Variants in TMEM269 observed in about 807,000 individuals in gnomAD.
TMEM269 encodes the protein transmembrane protein 269.
Under a neutral mutation model 15.8 loss-of-function variants are expected in TMEM269, and 12 were observed. The observed-to-expected ratio is 0.76, with a 90% CI of 0.49 to 1.23. The LOEUF (loss-of-function observed/expected upper bound fraction) is 1.23. TMEM269 is among the 50% of genes most tolerant of loss of function. The pLI is 0.00. For synonymous variants in TMEM269, 93 were observed against 99.3 expected (o/e 0.94, Z 0.38); for missense variants, 211 against 245.4 (o/e 0.86, Z 0.94).
At chr1:42,798,050 G>A (rs567445007) in intron 5 of TMEM269, 48 bp from the exon 6 acceptor site, 2 of 1,548,690 alleles carry the variant, frequency 1.3e-6, no homozygotes, top group African/African-American at 1.4e-5. Flanking sequence ...AGAAAGCATA[G>A]AAGACAGCTT....
intron 3 of TMEM269, 120 bp from the exon 4 acceptor site, chr1:42,793,481 C>A: frequency 1.0e-6 from 1 of 969,002 alleles, no homozygotes; most frequent in Non-Finnish European, 1.5e-6. Context: ...AGGGGAGCAG[C>A]TGTTGCTTTC....
intron 5 of TMEM269, among the ~76,000 whole-genome samples, chr1:42,795,935 T>G (rs1653784805): frequency 6.6e-6 from 1 of 152,204 alleles, no homozygotes; most frequent in African/African-American, 2.4e-5. Flanking sequence ...TGGCTCCTCC[T>G]ATGCCTTAGG....
Position 42,798,398 on chromosome 1 carries a change from C to A in TMEM269, c.*173C>A. Reference sequence around the variant, plus strand: ...AAAGCAGGGTCAGTGAACTTCACTTCTTTGTCTTTATTCAGGGTTCTGACT... The same window carrying A: ...AAAGCAGGGTCAGTGAACTTCACTTATTTGTCTTTATTCAGGGTTCTGACT... On this transcript the variant is annotated 3_prime_UTR_variant, in exon 6 of 6. Coordinates refer to ENST00000637012, the MANE Select transcript of TMEM269 (RefSeq NM_001354602.2). 2.6e-6 allele frequency: 2 copies of A among 775,352 alleles called. No individual in the cohort carries two copies. The highest frequency in any genetic ancestry group is 2.7e-5 in the East Asian group (1 of 36,856). The allele number at this position is 775,352 out of a possible 1,614,324, so 48.0% of individuals were successfully genotyped here.
chr1:42,792,321 A>G (rs1027613445), intron 2 of TMEM269, among the ~76,000 whole-genome samples: 28 of 152,230 alleles, frequency 1.8e-4, no homozygotes, highest in African/African-American at 6.0e-4. Context: ...AACTCACACA[A>G]GGAGAAACAG....
At position 42,792,859 on chromosome 1, in the gene TMEM269, A is replaced by G. The variant is rs1653722204; in HGVS notation, c.96A>G (p.Ala32=). The G allele has an allele frequency of 1.3e-6, 2 of 1,550,414 alleles. No individual in the cohort carries two copies. The highest frequency in any genetic ancestry group is 2.7e-5 in the African/African-American group (2 of 73,030). The change falls in exon 3 of 6, where the codon GCA becomes GCG. Residue 32 remains alanine (A), a synonymous_variant. Coordinates refer to ENST00000637012, the MANE Select transcript of TMEM269 (RefSeq NM_001354602.2). ...MLLVSFLLDM[A]VRAMTSHINI... ...TGGTCAGCTTCCTGTTAGACATGGC[A>G]GTCAGGGCAATGACCAGCCACATCA...
rs1287278208 is a variant in TMEM269 at position 42,798,734 on chromosome 1, T to C, written c.*509T>C. 1 of 71,578 alleles carries C rather than the reference T, an allele frequency of 1.4e-5. No homozygotes were observed. Among genetic ancestry groups the C allele is most frequent in the Non-Finnish European group, 2.7e-5 (1 of 37,126 alleles). The allele number at this position is 71,578 out of a possible 1,614,324, so 4.4% of individuals were successfully genotyped here. ...ATTTTGTAACTTCAACATTCTGGGT[T>C]TTTTTTTTTTTTTTTTTTTTTTTTT... On this transcript the variant is annotated 3_prime_UTR_variant, in exon 6 of 6. Coordinates refer to ENST00000637012, the MANE Select transcript of TMEM269 (RefSeq NM_001354602.2).
intron 2 of TMEM269, among the ~76,000 whole-genome samples, chr1:42,790,221 G>A (rs1286066923): frequency 1.3e-5 from 2 of 152,152 alleles, no homozygotes; most frequent in East Asian, 3.8e-4. Context: ...CTAATTCTTA[G>A]ATCATATGAC....
intron 5 of TMEM269, among the ~76,000 whole-genome samples, 175 bp downstream of exon 5, chr1:42,794,788 A>G (rs981775633): frequency 2.0e-5 from 3 of 152,182 alleles, no homozygotes; most frequent in South Asian, 4.1e-4. Flanking sequence ...ACCTACCCCC[A>G]ATAGAGGACT....
intron 4 of TMEM269, among the ~76,000 whole-genome samples, chr1:42,794,036 G>A (rs952690259): frequency 6.6e-6 from 1 of 152,192 alleles, no homozygotes; most frequent in African/African-American, 2.4e-5. Flanking sequence ...ACTGGAGGTT[G>A]TATTCCAGTT....
At position 42,797,422 on chromosome 1, in the gene TMEM269, A is replaced by G. The variant is rs1653807394; in HGVS notation, c.485-676A>G. Among the ~76,000 whole-genome samples, 1 of 152,144 alleles carries G rather than the reference A, an allele frequency of 6.6e-6. No homozygotes were observed. The highest frequency in any genetic ancestry group is 2.1e-4 in the South Asian group (1 of 4,826). On this transcript the variant is annotated intron_variant, in intron 5 of 5. Coordinates refer to ENST00000637012, the MANE Select transcript of TMEM269 (RefSeq NM_001354602.2). The surrounding 1 kb of genome is among the most constrained non-coding windows in gnomAD (Gnocchi z 4.9). ...ACAATAAAGTGTTGGCTACCAGGGAAACTGATGAGAGACTCAGTGCCCAAG... is the reference window on the plus strand; with the variant it reads ...ACAATAAAGTGTTGGCTACCAGGGAGACTGATGAGAGACTCAGTGCCCAAG...
chr1:42,789,164 C>A, intron 1 of TMEM269: 1 of 464,758 alleles, frequency 2.2e-6, no homozygotes, highest in African/African-American at 1.9e-5. Flanking sequence ...CTCAGATGAT[C>A]CACTTGCCTC....
Position 42,794,518 on chromosome 1 carries a change from C to T in TMEM269, c.389C>T (p.Ala130Val). Reference protein sequence around the residue: ...KGNRFILCCMASLMILFMMDQ... With the variant: ...KGNRFILCCMVSLMILFMMDQ... ...AACAGGTTCATCCTCTGCTGCATGG[C>T]CTCACTCATGATTCTCTTCATGATG... The change falls in exon 5 of 6, where the codon GCC becomes GTC. Residue 130 changes from alanine (A) to valine (V), a missense_variant. By Grantham distance (64) the Ala-to-Val change is moderately conservative. Coordinates refer to ENST00000637012, the MANE Select transcript of TMEM269 (RefSeq NM_001354602.2). 1 of 1,550,722 alleles carries T rather than the reference C, an allele frequency of 6.4e-7. No individual in the cohort carries two copies.
chr1:42,789,252 T>C (rs1653604273), intron 1 of TMEM269: 3 of 593,866 alleles, frequency 5.1e-6, no homozygotes, highest in Non-Finnish European at 9.1e-6. Context: ...GCCGTCTCTT[T>C]CCTTGTGGGA....
At position 42,799,117 on chromosome 1, in the gene TMEM269, G is replaced by A. The variant is rs1453755663; in HGVS notation, c.*892G>A. 6.6e-6 allele frequency: 1 copy of A among 151,922 alleles called. No homozygotes were observed. Among genetic ancestry groups the A allele is most frequent in the Non-Finnish European group, 1.5e-5 (1 of 67,968 alleles). The allele number at this position is 151,922 out of a possible 1,614,324, so 9.4% of individuals were successfully genotyped here. ...AGCAGTTAGATACATTGGTGACACA[G>A]GGCATCATCTGGCTTGCAGGATCTC... On this transcript the variant is annotated 3_prime_UTR_variant, in exon 6 of 6. Transcript: ENST00000637012.
rs551212451 is a variant in TMEM269 at position 42,797,194 on chromosome 1, C to T, written c.485-904C>T. Among the ~76,000 whole-genome samples the T allele has an allele frequency of 9.2e-5, 14 of 152,172 alleles. No individual in the cohort carries two copies. The highest frequency in any genetic ancestry group is 8.5e-4 in the Admixed American group (13 of 15,278). On this transcript the variant is annotated intron_variant, in intron 5 of 5. Coordinates refer to ENST00000637012, the MANE Select transcript of TMEM269 (RefSeq NM_001354602.2). The surrounding 1 kb of genome is among the most constrained non-coding windows in gnomAD (Gnocchi z 4.9). ...AAATTGTGTTGGGAGTCCCCAAGAC[C>T]ACCCCTGAGAAGACTCACAGGACTC...
intron 2 of TMEM269, among the ~76,000 whole-genome samples, chr1:42,792,554 C>T (rs1329508157): frequency 6.6e-6 from 1 of 151,956 alleles, no homozygotes; most frequent in Non-Finnish European, 1.5e-5. Flanking sequence ...GTTTGGGGCA[C>T]CCCTTTAAGA....
chr1:42,793,538 A>G (rs996509889), intron 3 of TMEM269, 63 bp from the exon 4 acceptor site: 2 of 1,472,620 alleles, frequency 1.4e-6, no homozygotes, highest in South Asian at 1.4e-5. Flanking sequence ...CCCCTACTAG[A>G]TGGGGGCTAA....
At chr1:42,789,217 C>G in intron 1 of TMEM269, 1 of 567,804 alleles carries the variant, frequency 1.8e-6, no homozygotes, top group East Asian at 2.9e-5. Context: ...GCCACCGTGT[C>G]CGGCTACACA....
At chr1:42,785,414 A>T (rs1245225747) in intron 1 of TMEM269, among the ~76,000 whole-genome samples, 1 of 151,934 alleles carries the variant, frequency 6.6e-6, no homozygotes, top group Non-Finnish European at 1.5e-5. Flanking sequence ...CCGCCCCGCC[A>T]CTCAGTTAGA....
Sources: allele counts gnomAD v4.1 joint callset (sites outside exome capture counted in the v4.1 genomes callset), GRCh38; gene constraint gnomAD v4.1.1; non-coding constraint Gnocchi (gnomAD v3.1); transcripts MANE v1.5; gene names NCBI Gene and HGNC (gene_info 2026-07-23, HGNC 2026-07-21).